The following ADAMTS9 variants were observed in gnomAD, a reference collection of about 807,000 sequenced individuals.
ADAMTS9 encodes the protein A disintegrin and metalloproteinase with thrombospondin motifs 9.
Under a neutral mutation model 257.1 loss-of-function variants are expected in ADAMTS9, and 107 were observed. The ratio of observed to expected loss-of-function variants is 0.42; its 90% confidence interval spans 0.36 to 0.49. The LOEUF is 0.49. Ranked by LOEUF, ADAMTS9 falls within the 20% of genes least tolerant of loss-of-function variation. ADAMTS9 has a pLI of 0.03. For missense variants in ADAMTS9, 2,353 were observed against 2,469.1 expected (o/e 0.95, Z 1.00); for synonymous variants, 982 against 880.9 (o/e 1.11, Z -2.03).
At chr3:64,578,142 G>T (rs954265499) in intron 28 of ADAMTS9, among the ~76,000 whole-genome samples, 8 of 152,282 alleles carry the variant, frequency 5.3e-5, no homozygotes, top group Middle Eastern at 3.4e-3. Context: ...AGGGATAAAG[G>T]TCATTTTAAC....
Position 64,561,672 on chromosome 3 carries a change from G to T in ADAMTS9, c.4604C>A (p.Thr1535Asn), listed in dbSNP as rs1172259244. The change falls in exon 30 of 40, where the codon ACC becomes AAC. Residue 1535 changes from threonine to asparagine, a missense_variant. Thr to Asn is a moderately conservative substitution (Grantham distance 65). Around this residue, in one of 3 missense-constraint regions of ADAMTS9, gnomAD observed 1,402 missense variants for 1,441.4 expected, o/e 0.97. Transcript: ENST00000498707. ...QIGTHKIARE[T>N]ECNPYTRPES... ...CGGTCTGGTGTATGGGTTGCACTCG[G>T]TCTCTCTGGCTATTTTGTGTGTTCC... 2 of 1,613,852 alleles carry T rather than the reference G, an allele frequency of 1.2e-6. No individual in the cohort carries two copies. Among genetic ancestry groups the T allele is most frequent in the Non-Finnish European group, 1.7e-6 (2 of 1,180,002 alleles).
intron 37 of ADAMTS9, among the ~76,000 whole-genome samples, chr3:64,538,870 C>T (rs1277620697): frequency 6.6e-6 from 1 of 152,012 alleles, no homozygotes; most frequent in Non-Finnish European, 1.5e-5. Flanking sequence ...TTTACTAGCA[C>T]TCCGCTGACT....
intron 31 of ADAMTS9, among the ~76,000 whole-genome samples, chr3:64,548,947 A>C (rs542565060): frequency 3.5e-4 from 53 of 152,376 alleles, no homozygotes; most frequent in Admixed American, 3.1e-3. Flanking sequence ...TGTGTCAATC[A>C]GGACTGACAG....
At chr3:64,679,020 G>A (rs949142298) in intron 3 of ADAMTS9, among the ~76,000 whole-genome samples, 1 of 152,150 alleles carries the variant, frequency 6.6e-6, no homozygotes, top group Non-Finnish European at 1.5e-5. Context: ...GATTTGGAAG[G>A]TGGTAATTAA....
chr3:64,605,346 T>C (rs1347677070), intron 23 of ADAMTS9, among the ~76,000 whole-genome samples: 1 of 152,254 alleles, frequency 6.6e-6, no homozygotes, highest in African/African-American at 2.4e-5. Context: ...GCTAACATTT[T>C]CCAGGCATTC....
intron 26 of ADAMTS9, among the ~76,000 whole-genome samples, chr3:64,599,727 A>G (rs1043010262): frequency 2.0e-5 from 3 of 152,206 alleles, no homozygotes; most frequent in African/African-American, 7.2e-5. Flanking sequence ...TTACCCCTCT[A>G]TCTAGATCAA....
At chr3:64,544,941 G>A (rs1334720899) in intron 32 of ADAMTS9, among the ~76,000 whole-genome samples, 1 of 152,164 alleles carries the variant, frequency 6.6e-6, no homozygotes, top group Non-Finnish European at 1.5e-5. Context: ...CCATCAACAA[G>A]TGGGCGATGG....
At chr3:64,682,862 C>T (rs1361795388) in intron 2 of ADAMTS9, among the ~76,000 whole-genome samples, 4 of 152,244 alleles carry the variant, frequency 2.6e-5, no homozygotes, top group African/African-American at 9.6e-5. Context: ...CTCCCCAAAA[C>T]AGCTAGCTTC....
intron 3 of ADAMTS9, 138 bp from the exon 4 acceptor site, chr3:64,658,929 T>C: frequency 1.2e-6 from 1 of 856,934 alleles, no homozygotes; most frequent in South Asian, 1.8e-5. Flanking sequence ...ACTCTACAGA[T>C]GCACCTCAAT....
chr3:64,671,577 C>G (rs1014639433), intron 3 of ADAMTS9, among the ~76,000 whole-genome samples: 1 of 152,132 alleles, frequency 6.6e-6, no homozygotes, highest in Non-Finnish European at 1.5e-5. Context: ...TGAACTTTTT[C>G]CACACAGCAA....
intron 31 of ADAMTS9, 31 bp from the exon 32 acceptor site, chr3:64,546,983 C>T (rs1156432033): frequency 4.4e-6 from 7 of 1,581,960 alleles, no homozygotes; most frequent in Non-Finnish European, 5.2e-6. Flanking sequence ...AGGAGAGGTT[C>T]GAGCAGTTCC....
chr3:64,669,040 G>A (rs1701418726), intron 3 of ADAMTS9, among the ~76,000 whole-genome samples: 1 of 152,056 alleles, frequency 6.6e-6, no homozygotes, highest in Non-Finnish European at 1.5e-5. Context: ...GTGACCACAG[G>A]GGCATGCTGT....
intron 31 of ADAMTS9, 53 bp downstream of exon 31, chr3:64,550,839 C>A: frequency 6.2e-7 from 1 of 1,603,540 alleles, no homozygotes; most frequent in Non-Finnish European, 8.5e-7. Flanking sequence ...CATCCCTCTG[C>A]CACTCTCAGG....
chr3:64,606,399 T>G (rs560277388), intron 23 of ADAMTS9, among the ~76,000 whole-genome samples: 2 of 152,164 alleles, frequency 1.3e-5, no homozygotes, highest in Non-Finnish European at 2.9e-5. Flanking sequence ...TGGGGAGAGA[T>G]AGGTGGCAGC....
In ADAMTS9 at chr3:64,687,035, A is replaced by AGGTGG; in HGVS notation, c.116-72_116-68dup. The AGGTGG allele has an allele frequency of 6.5e-7, 1 of 1,535,228 alleles. No individual in the cohort carries two copies. The highest frequency in any genetic ancestry group is 1.3e-5 in the South Asian group (1 of 77,758). On this transcript the variant is annotated intron_variant, in intron 1 of 39. Coordinates refer to ENST00000498707, the MANE Select transcript of ADAMTS9 (RefSeq NM_182920.2). This position sits in a 1 kb window ranked among gnomAD's most constrained non-coding sequence, Gnocchi z 4.4. Reference sequence around the variant, plus strand: ...TTCCTTAAGCTTTAATTTAAAACGAAGGTGGGGACTTTGTTCTGACCTTAT... The same window carrying AGGTGG: ...TTCCTTAAGCTTTAATTTAAAACGAAGGTGGGGTGGGGACTTTGTTCTGACCTTAT...
In ADAMTS9 at chr3:64,658,633, T is replaced by A. The variant is rs1473560845; in HGVS notation, c.838A>T (p.Arg280Trp). ...GNKTDNTREK[R>W]THRRTKRFLS... ...AAACGTTTTGTCCTTCTGTGGGTCC[T>A]CTTTTCTCTTGTGTTGTCCGTCTTA... The change falls in exon 4 of 40, where the codon AGG (arginine) becomes TGG (tryptophan). Residue 280 changes from arginine to tryptophan, a missense_variant. Coordinates refer to ENST00000498707, the MANE Select transcript of ADAMTS9 (RefSeq NM_182920.2). 1.2e-6 allele frequency: 2 copies of A among 1,614,028 alleles called. No individual in the cohort carries two copies. The highest frequency in any genetic ancestry group is 1.7e-6 in the Non-Finnish European group (2 of 1,180,028).
chr3:64,616,237 T>G, intron 19 of ADAMTS9, 67 bp from the exon 20 acceptor site: 1 of 1,527,418 alleles, frequency 6.5e-7, no homozygotes, highest in Non-Finnish European at 9.1e-7. Context: ...TATAGTCAAC[T>G]GGTATTCATA....
chr3:64,548,373 T>C (rs1209470060), intron 31 of ADAMTS9, among the ~76,000 whole-genome samples: 1 of 152,168 alleles, frequency 6.6e-6, no homozygotes, highest in Non-Finnish European at 1.5e-5. Context: ...GAAGGCCAAG[T>C]TGACGCCAGG....
chr3:64,601,882 T>C, intron 26 of ADAMTS9, 62 bp downstream of exon 26: 1 of 1,516,092 alleles, frequency 6.6e-7, no homozygotes, highest in Non-Finnish European at 8.8e-7. Flanking sequence ...GTTTCTAGTC[T>C]CTTTTACCCT....
Sources: gnomAD v4.1 joint callset for allele counts (sites outside exome capture counted in the v4.1 genomes callset) on GRCh38, gnomAD v4.1.1 for gene constraint, gnomAD v4.1.1 regional missense constraint, Gnocchi (gnomAD v3.1) non-coding constraint, MANE v1.5 for transcripts, NCBI Gene and HGNC (gene_info 2026-07-23, HGNC 2026-07-21) for gene names.